Variants in SAMD12 observed in about 807,000 individuals in gnomAD.
SAMD12 encodes sterile alpha motif domain-containing protein 12.
Under a neutral mutation model 15.0 loss-of-function variants are expected in SAMD12, and 9 were observed. The observed-to-expected ratio is 0.60, with a 90% CI of 0.36 to 1.05. The LOEUF (loss-of-function observed/expected upper bound fraction) is 1.05. Ranked by LOEUF, SAMD12 falls within the 50% of genes least tolerant of loss-of-function variation. The probability of loss-of-function intolerance (pLI) is 0.01; values close to 1 mark genes in which losing one functional copy is unlikely to be tolerated. For missense variants in SAMD12, 230 were observed against 234.2 expected, an observed-to-expected ratio of 0.98 and a Z score of 0.12; for synonymous variants, 86 against 90.1, an observed-to-expected ratio of 0.96 and a Z score of 0.25.
chr8:118,200,087 C>T (rs1266846990), intron 4 of SAMD12, among the ~76,000 whole-genome samples: 1 of 152,120 alleles, frequency 6.6e-6, no homozygotes, highest in East Asian at 1.9e-4. Flanking sequence ...TCCTTGGCTC[C>T]CATTCTCTCT....
chr8:118,613,988 C>A (rs1828170899), intron 1 of SAMD12, among the ~76,000 whole-genome samples: 2 of 152,150 alleles, frequency 1.3e-5, no homozygotes, highest in African/African-American at 4.8e-5. Context: ...CATGAATACA[C>A]CAAATAATAC....
the SAMD12 span, among the ~76,000 whole-genome samples, chr8:118,156,436 G>C: frequency 3.3e-5 from 5 of 152,132 alleles, no homozygotes; most frequent in Admixed American, 3.3e-4. Context: ...TTTCTTTTGT[G>C]TTTCAGTGGA....
At chr8:118,468,601 C>G (rs1586741473) in intron 2 of SAMD12, among the ~76,000 whole-genome samples, 1 of 152,014 alleles carries the variant, frequency 6.6e-6, no homozygotes, top group Non-Finnish European at 1.5e-5. Flanking sequence ...TCTTTTCTCT[C>G]CTTGACTCAA....
chr8:118,604,846 C>G (rs1051169526), intron 1 of SAMD12, among the ~76,000 whole-genome samples: 1 of 151,814 alleles, frequency 6.6e-6, no homozygotes, highest in South Asian at 2.1e-4. Flanking sequence ...GGCATGAACC[C>G]GGGGGACGGA....
At chr8:118,489,141 C>G (rs1391757678) in intron 2 of SAMD12, among the ~76,000 whole-genome samples, 2 of 152,162 alleles carry the variant, frequency 1.3e-5, no homozygotes, top group Admixed American at 1.3e-4. Context: ...CAATACCCCC[C>G]TTTTGTGAAG....
chr8:118,343,468 C>T (rs1047597031), intron 4 of SAMD12, among the ~76,000 whole-genome samples: 9 of 151,996 alleles, frequency 5.9e-5, no homozygotes, highest in Non-Finnish European at 1.0e-4. Flanking sequence ...AGCCCTATTT[C>T]GGTTAACATG....
intron 3 of SAMD12, among the ~76,000 whole-genome samples, chr8:118,408,394 T>C (rs1821238582): frequency 1.3e-5 from 2 of 152,154 alleles, no homozygotes; most frequent in African/African-American, 2.4e-5. Flanking sequence ...TGCAACTTTA[T>C]TCCAAATTCT....
chr8:118,175,223 A>G, the SAMD12 span, among the ~76,000 whole-genome samples: 16 of 152,156 alleles, frequency 1.1e-4, no homozygotes, highest in Non-Finnish European at 1.0e-4. Context: ...AAAGCCAACA[A>G]TAACAAGCAA....
At chr8:118,204,390 G>A (rs566877749) in intron 4 of SAMD12, among the ~76,000 whole-genome samples, 74 of 152,078 alleles carry the variant, frequency 4.9e-4, no homozygotes, top group Non-Finnish European at 7.6e-4. Context: ...AAGCGGGATC[G>A]GGAGGGGGAG....
chr8:118,278,878 A>T (rs1377232799), intron 4 of SAMD12, among the ~76,000 whole-genome samples: 2 of 152,240 alleles, frequency 1.3e-5, no homozygotes, highest in African/African-American at 4.8e-5. Context: ...GTATTTGCAA[A>T]GTGGCTCATA....
At chr8:118,347,745 A>G (rs1817737730) in intron 4 of SAMD12, among the ~76,000 whole-genome samples, 1 of 152,242 alleles carries the variant, frequency 6.6e-6, no homozygotes, top group African/African-American at 2.4e-5. Context: ...AACTTCCATC[A>G]CTTGTCTGGC....
At chr8:118,507,172 C>G (rs1414597733) in intron 2 of SAMD12, among the ~76,000 whole-genome samples, 1 of 151,962 alleles carries the variant, frequency 6.6e-6, no homozygotes, top group Non-Finnish European at 1.5e-5. Context: ...CTTGTGCCTT[C>G]CCATCTTTCC....
intron 2 of SAMD12, among the ~76,000 whole-genome samples, chr8:118,532,457 T>C (rs1341492053): frequency 6.6e-6 from 1 of 152,216 alleles, no homozygotes; most frequent in Non-Finnish European, 1.5e-5. Context: ...CCTCACAAAA[T>C]GAGTTAGGGA....
At chr8:118,538,755 G>A (rs915075539) in intron 2 of SAMD12, among the ~76,000 whole-genome samples, 1 of 152,156 alleles carries the variant, frequency 6.6e-6, no homozygotes, top group Non-Finnish European at 1.5e-5. Flanking sequence ...TTCCTACGAA[G>A]GTGCTCTTTG....
At chr8:118,510,798 A>G (rs1230152059) in intron 2 of SAMD12, among the ~76,000 whole-genome samples, 2 of 152,230 alleles carry the variant, frequency 1.3e-5, no homozygotes, top group Non-Finnish European at 2.9e-5. Context: ...ATTATTCACA[A>G]AGTTCCTATC....
In SAMD12 at chr8:118,548,418, CACA is replaced by C. The variant is rs754806867; in HGVS notation, c.192+32294_192+32296del. Among the ~76,000 whole-genome samples the C allele has an allele frequency of 3.7e-3, 533 of 145,394 alleles. 6 individuals are homozygous for C. The highest frequency in any genetic ancestry group is 0.014 in the African/African-American group (511 of 35,864). ...ACACACACACACACACACACACACA[CACA>C]CACCCCATGTGATGGGTAACTTAAT... is the stretch of plus-strand genomic sequence containing the variant. On this transcript the variant is annotated intron_variant, in intron 2 of 3. Transcript: ENST00000314727.
intron 4 of SAMD12, among the ~76,000 whole-genome samples, chr8:118,200,403 C>CAAAAAAA: frequency 8.8e-6 from 1 of 114,220 alleles, no homozygotes; most frequent in Non-Finnish European, 1.8e-5. Context: ...ATTAGAGTAC[C>CAAAAAAA]AAAAAAAAAA....
At chr8:118,533,744 C>G (rs1825755933) in intron 2 of SAMD12, among the ~76,000 whole-genome samples, 3 of 151,956 alleles carry the variant, frequency 2.0e-5, no homozygotes, top group Non-Finnish European at 4.4e-5. Flanking sequence ...TCTGTTTTAT[C>G]AGAGACTAGA....
intron 1 of SAMD12, among the ~76,000 whole-genome samples, chr8:118,587,236 A>G (rs1338678154): frequency 6.6e-6 from 1 of 152,216 alleles, no homozygotes; most frequent in African/African-American, 2.4e-5. Flanking sequence ...GTCCTTCTTT[A>G]ACACTTCCCT....
Sources: gnomAD v4.1 joint callset for allele counts (sites outside exome capture counted in the v4.1 genomes callset) on GRCh38, gnomAD v4.1.1 for gene constraint, MANE v1.5 for transcripts, NCBI Gene and HGNC (gene_info 2026-07-23, HGNC 2026-07-21) for gene names.